Variants in TTLL12 observed in about 807,000 individuals in gnomAD.
TTLL12 encodes tubulin--tyrosine ligase-like protein 12.
In TTLL12, 77 loss-of-function variants were observed where a neutral mutation model predicts 79.6. The ratio of observed to expected loss-of-function variants is 0.97; its 90% CI spans 0.81 to 1.17. The LOEUF (loss-of-function observed/expected upper bound fraction) is 1.17. Among genes scored for constraint, TTLL12 ranks in the 50% most tolerant of loss-of-function variants. TTLL12 has a pLI of 0.00. For missense variants in TTLL12, 969 were observed against 895.9 expected, an observed-to-expected ratio of 1.08 and a Z score of -1.04; for synonymous variants, 437 against 376.1, an observed-to-expected ratio of 1.16 and a Z score of -1.87.
intron 1 of TTLL12, among the ~76,000 whole-genome samples, chr22:43,186,189 A>ACCCCCCCCC (rs59941359): frequency 1.2e-5 from 1 of 82,140 alleles, no homozygotes; most frequent in Non-Finnish European, 2.8e-5. Flanking sequence ...TAAAGAAAAC[A>ACCCCCCCCC]CCCCCCCCCC....
Position 43,186,965 on chromosome 22 carries a change from G to A in TTLL12, c.105C>T (p.His35=), listed in dbSNP as rs771409972. The change falls in exon 1 of 14, where the codon CAC becomes CAT. Residue 35 remains histidine (H), a synonymous_variant. Transcript: ENST00000216129. Reference sequence around the variant, plus strand: ...CCCCCGAAGCGCGCAGCGCCGGGCCGTGCAGCGCCGCGAACTCGGCCAAGG... The same window carrying A: ...CCCCCGAAGCGCGCAGCGCCGGGCCATGCAGCGCCGCGAACTCGGCCAAGG... ...AQALAEFAAL[H]GPALRASGVP... is the part of the protein sequence containing the mutation. 1.3e-5 allele frequency: 17 copies of A among 1,325,032 alleles called. No individual in the cohort carries two copies. The South Asian group carries it at 2.4e-4, about 19-fold the overall frequency. 82.1% of individuals were successfully genotyped at this position (1,325,032 alleles called of 1,614,324 possible).
At chr22:43,168,689 C>A in intron 13 of TTLL12, 85 bp downstream of exon 13, 1 of 1,515,200 alleles carries the variant, frequency 6.6e-7, no homozygotes, top group South Asian at 1.2e-5. Context: ...CAGCCTGGGG[C>A]AGCTGCCTGC....
intron 5 of TTLL12, among the ~76,000 whole-genome samples, chr22:43,179,378 T>G (rs1250931268): frequency 6.6e-6 from 1 of 151,880 alleles, no homozygotes; most frequent in African/African-American, 2.4e-5. Context: ...GTGGACCCCC[T>G]GAGGACGGAT....
intron 2 of TTLL12, among the ~76,000 whole-genome samples, 156 bp downstream of exon 2, chr22:43,182,824 C>T (rs1932090967): frequency 2.0e-5 from 3 of 152,240 alleles, no homozygotes; most frequent in Admixed American, 2.0e-4. Flanking sequence ...TACTCTGAAG[C>T]CCTGATGGAC....
intron 6 of TTLL12, among the ~76,000 whole-genome samples, chr22:43,175,077 C>T (rs905505052): frequency 6.6e-6 from 1 of 152,194 alleles, no homozygotes; most frequent in Admixed American, 6.5e-5. Flanking sequence ...CAGCAAGAGC[C>T]CCTGGGCTGC....
rs1375083006 is a variant in TTLL12 at position 43,172,458 on chromosome 22, C to T, written c.1438G>A (p.Val480Met). Residue 480 changes from valine to methionine, a missense_variant, in exon 10 of 14, where the codon GTG (valine) becomes ATG (methionine). Coordinates refer to ENST00000216129, the MANE Select transcript of TTLL12 (RefSeq NM_015140.4). Reference sequence around the variant, plus strand: ...TACACGAACAACCGTAGGGGCCTCACTGACCGCAGCAGCACGATGTAGCGG... The same window carrying T: ...TACACGAACAACCGTAGGGGCCTCATTGACCGCAGCAGCACGATGTAGCGG... ...DIRYIVLLRS[V>M]RPLRLFVYDV... 6.2e-7 allele frequency: 1 copy of T among 1,614,098 alleles called. No homozygotes were observed. The highest frequency in any genetic ancestry group is 1.3e-5 in the African/African-American group (1 of 74,934).
Position 43,174,533 on chromosome 22 carries a change from T to C in TTLL12, c.1000A>G (p.Ile334Val), listed in dbSNP as rs1411082374. 1.9e-6 allele frequency: 3 copies of C among 1,613,436 alleles called. No individual in the cohort carries two copies. Among genetic ancestry groups the C allele is most frequent in the African/African-American group, 1.3e-5 (1 of 75,058 alleles). Residue 334 changes from isoleucine (I) to valine (V), a missense_variant, in exon 7 of 14, where the codon ATC (isoleucine) becomes GTC (valine). Physicochemically the swap from Ile to Val is conservative, Grantham distance 29. Coordinates refer to ENST00000216129, the MANE Select transcript of TTLL12 (RefSeq NM_015140.4). ...TTGAAGTGTGAGAAGTTGAAGAGGA[T>C]GTCGGCGTCCGCCTCACTCTGGGTG... ...TLTQSEADAD[I>V]LFNFSHFKDY...
In TTLL12 at chr22:43,176,484, C is replaced by G. The variant is rs534569364; in HGVS notation, c.841-88G>C. 99 of 1,101,066 alleles carry G rather than the reference C, an allele frequency of 9.0e-5. No individual in the cohort carries two copies. The South Asian group carries it at 1.3e-3, about 14-fold the overall frequency. The allele number at this position is 1,101,066 out of a possible 1,614,324, so 68.2% of individuals were successfully genotyped here. A position where few individuals can be genotyped will look rare whatever the true frequency, so the allele number is the denominator to read the frequency against. The stretch of plus-strand genomic sequence containing the variant: ...GTGGCTCATGTCCATAATCCCAGCA[C>G]TTTGAGAGGGTGAGGCAGGTGGATC... On this transcript the variant is annotated intron_variant, in intron 5 of 13. Coordinates refer to ENST00000216129, the MANE Select transcript of TTLL12 (RefSeq NM_015140.4).
At chr22:43,172,671 T>C in intron 9 of TTLL12, 117 bp from the exon 10 acceptor site, 1 of 1,105,098 alleles carries the variant, frequency 9.0e-7, no homozygotes, top group Non-Finnish European at 1.3e-6. Flanking sequence ...TCCTTCTGCC[T>C]TTTCAAACCT....
intron 11 of TTLL12, 97 bp from the exon 12 acceptor site, chr22:43,169,665 G>T: frequency 7.4e-7 from 1 of 1,351,924 alleles, no homozygotes; most frequent in Non-Finnish European, 1.0e-6. Flanking sequence ...TTCTGACACT[G>T]GGTGGGGGTT....
intron 11 of TTLL12, 26 bp from the exon 12 acceptor site, chr22:43,169,594 G>A (rs200117486): frequency 2.2e-5 from 36 of 1,610,808 alleles, no homozygotes; most frequent in South Asian, 6.6e-5. Flanking sequence ...GGCCCATCAC[G>A]CTCTGTACAG....
chr22:43,179,770 T>C lies in TTLL12; in HGVS notation c.707-18A>G. ...CACCTCCTCTGTGCCAAGACATGAG[T>C]GCCCATCAGAGGGGGTGACGGGACA... is the stretch of plus-strand genomic sequence containing the variant. On this transcript the variant is annotated intron_variant, in intron 4 of 13. Transcript: ENST00000216129. 1 of 1,551,448 alleles carries C rather than the reference T, an allele frequency of 6.4e-7. No individual in the cohort carries two copies. The highest frequency in any genetic ancestry group is 8.7e-7 in the Non-Finnish European group (1 of 1,146,680).
At chr22:43,168,530 C>T (rs115045104) in intron 13 of TTLL12, among the ~76,000 whole-genome samples, 2 of 152,226 alleles carry the variant, frequency 1.3e-5, no homozygotes, top group African/African-American at 4.8e-5. Context: ...GGGTGCCTTT[C>T]ACACGGGTCT....
rs1231528688 is a variant in TTLL12, at chr22:43,168,833, G to C, written c.1724C>G (p.Pro575Arg). ...GACGGCATACATGGCCCGGGATGAG[G>C]GGTAGTCGCAGAGGCCCAGGGGTGG... ...KPPPLGLCDYPSSRAMYAVDL... is the reference protein window; with the variant it reads ...KPPPLGLCDYRSSRAMYAVDL... The change falls in exon 13 of 14, where the codon CCC (proline) becomes CGC (arginine). Residue 575 changes from proline to arginine, a missense_variant. Transcript: ENST00000216129. 6 of 1,599,360 alleles carry C rather than the reference G, an allele frequency of 3.8e-6. No individual in the cohort carries two copies. The South Asian group carries it at 6.8e-5, about 18-fold the overall frequency.
At chr22:43,171,111 G>C (rs1416956655) in intron 11 of TTLL12, among the ~76,000 whole-genome samples, 2 of 152,056 alleles carry the variant, frequency 1.3e-5, no homozygotes, top group Non-Finnish European at 2.9e-5. Flanking sequence ...GGTGGGGTAG[G>C]TGTTCTGTGC....
chr22:43,170,119 A>T, intron 11 of TTLL12: 2 of 355,930 alleles, frequency 5.6e-6, no homozygotes, highest in Middle Eastern at 1.0e-3. Context: ...ACAAGCCAGG[A>T]AAGGCCCCTA....
Position 43,173,783 on chromosome 22 carries a change from G to A in TTLL12, c.1273C>T (p.Arg425Cys), listed in dbSNP as rs199982346. 172 of 1,604,824 alleles carry A rather than the reference G, an allele frequency of 1.1e-4. No homozygotes were observed. The highest frequency in any genetic ancestry group is 1.8e-4 in the Admixed American group (11 of 60,006). Residue 425 changes from arginine to cysteine, a missense_variant, in exon 9 of 14, where the codon CGC becomes TGC. Transcript: ENST00000216129. Reference sequence around the variant, plus strand: ...TTGGTGACGTGGGTGTCCAGGCTGCGCGCCAGGTTCCAGGGCTTGCAGATC... The same window carrying A: ...TTGGTGACGTGGGTGTCCAGGCTGCACGCCAGGTTCCAGGGCTTGCAGATC... The part of the protein sequence containing the change: ...HWICKPWNLA[R>C]SLDTHVTKSL...
rs149091809 is a variant in TTLL12, at chr22:43,174,268, G to A, written c.1170C>T (p.Thr390=). 1.9e-6 allele frequency: 3 copies of A among 1,610,422 alleles called. No individual in the cohort carries two copies. The highest frequency in any genetic ancestry group is 2.5e-6 in the Non-Finnish European group (3 of 1,179,864). Residue 390 remains threonine, a synonymous_variant, in exon 8 of 14, where the codon ACC becomes ACT. Transcript: ENST00000216129. ...GGGGCAGCTCAGTGCGCAGGTTGAAGGTTCGGGGCAGCCAGGGTGGGCCCT... is the reference window on the plus strand; with the variant it reads ...GGGGCAGCTCAGTGCGCAGGTTGAAAGTTCGGGGCAGCCAGGGTGGGCCCT... The part of the protein sequence containing the change: ...GPEGPPWLPR[T]FNLRTELPQF...
At chr22:43,169,400 C>A in intron 12 of TTLL12, 100 bp downstream of exon 12, 4 of 1,096,470 alleles carry the variant, frequency 3.6e-6, no homozygotes, top group Non-Finnish European at 5.1e-6. Context: ...AAAGGTCCCT[C>A]CCAGCCCATG....
Sources: gnomAD v4.1 joint callset for allele counts (sites outside exome capture counted in the v4.1 genomes callset) on GRCh38, gnomAD v4.1.1 for gene constraint, MANE v1.5 for transcripts, NCBI Gene and HGNC (gene_info 2026-07-23, HGNC 2026-07-21) for gene names.